FREM2: variants seen among roughly 807,000 people sequenced by gnomAD.
The protein encoded by FREM2 is FRAS1 related extracellular matrix 2.
In FREM2, 119 loss-of-function variants were observed where a neutral mutation model predicts 219.9. The ratio of observed to expected loss-of-function variants is 0.54; its 90% CI spans 0.47 to 0.63. FREM2 has a LOEUF of 0.63. Among genes scored for constraint, FREM2 ranks in the 30% least tolerant of loss-of-function variants. FREM2 has a pLI of 0.00. For missense variants in FREM2, 4,030 were observed against 3,993.6 expected, an observed-to-expected ratio of 1.01 and a Z score of -0.25; for synonymous variants, 1,562 against 1,522.8, an observed-to-expected ratio of 1.03 and a Z score of -0.60.
chr13:38,771,016 A>G (rs1162351736), intron 4 of FREM2, among the ~76,000 whole-genome samples: 1 of 152,122 alleles, frequency 6.6e-6, no homozygotes, highest in African/African-American at 2.4e-5. Flanking sequence ...CAGTCAGAAA[A>G]CTCTTAAATG....
intron 8 of FREM2, 125 bp downstream of exon 8, chr13:38,848,795 A>G: frequency 3.4e-6 from 3 of 873,430 alleles, no homozygotes; most frequent in Non-Finnish European, 5.3e-6. Flanking sequence ...ATAACAAAGT[A>G]GCACTGTCGG....
In FREM2 at chr13:38,859,313, C is replaced by T. The variant is rs761762671; in HGVS notation, c.7242C>T (p.Tyr2414=). ...ITACNPKYSD[Y]DKTGSICASE... is the part of the protein sequence containing the mutation. ...CTTGCAACCCCAAATATTCAGACTA[C>T]GATAAAACAGGCTCTATCTGTGCAA... The change falls in exon 14 of 24, where the codon TAC becomes TAT. Residue 2414 remains tyrosine, a synonymous_variant. Coordinates refer to ENST00000280481, the MANE Select transcript of FREM2 (RefSeq NM_207361.6). The T allele has an allele frequency of 9.3e-6, 15 of 1,614,032 alleles. No homozygotes were observed. The highest frequency in any genetic ancestry group is 1.1e-5 in the South Asian group (1 of 91,080).
At chr13:38,879,774 CT>C (rs764063403) in intron 23 of FREM2, among the ~76,000 whole-genome samples, 1 of 152,174 alleles carries the variant, frequency 6.6e-6, no homozygotes, top group Non-Finnish European at 1.5e-5. Context: ...ATCTTGCATG[CT>C]TCAAAGACTC....
chr13:38,731,864 G>A (rs1171235946), intron 2 of FREM2, among the ~76,000 whole-genome samples: 3 of 152,192 alleles, frequency 2.0e-5, no homozygotes, highest in Non-Finnish European at 4.4e-5. Flanking sequence ...TATCATCAGT[G>A]TACAACAGAA....
intron 6 of FREM2, among the ~76,000 whole-genome samples, chr13:38,837,765 G>GTTTT (rs151057502): frequency 1.4e-5 from 2 of 140,528 alleles, no homozygotes. Flanking sequence ...GCAACCCCTG[G>GTTTT]TTTTTTTTTG....
At chr13:38,848,098 T>C (rs1459596025) in intron 7 of FREM2, among the ~76,000 whole-genome samples, 1 of 152,254 alleles carries the variant, frequency 6.6e-6, no homozygotes, top group Non-Finnish European at 1.5e-5. Context: ...CTATTTCATA[T>C]GTAATTTATA....
intron 6 of FREM2, among the ~76,000 whole-genome samples, chr13:38,842,372 G>T (rs1876994108): frequency 6.6e-6 from 1 of 152,118 alleles, no homozygotes; most frequent in Non-Finnish European, 1.5e-5. Flanking sequence ...AGGTGTTATT[G>T]CCTACAGCTG....
rs772325914 is a variant in FREM2, at chr13:38,876,322, G to A, written c.8484G>A (p.Leu2828=). ...CCCCATCACATCAGGAATACCGCCT[G>A]CCAGTCACCTGCAACCCCAGAGAAC... ...CTAPSHQEYR[L]PVTCNPREPV... Residue 2828 remains leucine, a synonymous_variant, in exon 20 of 24, where the codon CTG becomes CTA. Coordinates refer to ENST00000280481, the MANE Select transcript of FREM2 (RefSeq NM_207361.6). 6 of 1,613,954 alleles carry A rather than the reference G, an allele frequency of 3.7e-6. No individual in the cohort carries two copies. The East Asian group carries it at 6.7e-5, about 18-fold the overall frequency.
intron 6 of FREM2, among the ~76,000 whole-genome samples, chr13:38,798,336 G>A (rs758769650): frequency 4.6e-5 from 7 of 151,912 alleles, no homozygotes; most frequent in Admixed American, 6.6e-5. Flanking sequence ...ACTTGATCAC[G>A]GTGTATTATC....
At chr13:38,759,690 C>T (rs1469957376) in intron 2 of FREM2, among the ~76,000 whole-genome samples, 1 of 152,118 alleles carries the variant, frequency 6.6e-6, no homozygotes, top group Non-Finnish European at 1.5e-5. Context: ...TCCTCATGCA[C>T]CATAGATGAC....
At chr13:38,695,499 G>A (rs534261501) in intron 1 of FREM2, among the ~76,000 whole-genome samples, 3 of 152,216 alleles carry the variant, frequency 2.0e-5, no homozygotes, top group South Asian at 2.1e-4. Context: ...ATCCCTTAAC[G>A]ATTACAATTT....
chr13:38,773,784 T>C (rs1484275428), intron 4 of FREM2, among the ~76,000 whole-genome samples: 1 of 152,110 alleles, frequency 6.6e-6, no homozygotes, highest in Non-Finnish European at 1.5e-5. Flanking sequence ...TTAAAGTTCA[T>C]GAAACATTTA....
rs756378813 is a variant in FREM2, at chr13:38,692,178, A to C, written c.4834A>C (p.Ser1612Arg). 2 of 1,614,052 alleles carry C rather than the reference A, an allele frequency of 1.2e-6. No homozygotes were observed. Among genetic ancestry groups the C allele is most frequent in the Non-Finnish European group, 1.7e-6 (2 of 1,179,996 alleles). ...CTACAAACATGATGGCACTGAGTCA[A>C]GTGAAGATAGCTTCTCCTTCACAGT... ...ISYKHDGTESSEDSFSFTVTD... is the reference protein window; with the variant it reads ...ISYKHDGTESREDSFSFTVTD... The change falls in exon 1 of 24, where the codon AGT becomes CGT. Residue 1612 changes from serine (S) to arginine (R), a missense_variant. Transcript: ENST00000280481.
rs747977738 is a variant in FREM2 at position 38,690,549 on chromosome 13, A to G, written c.3205A>G (p.Ile1069Val). ...ILPVDSQAPE[I>V]FVGEQLIVME... is the part of the protein sequence containing the mutation. Reference sequence around the variant, plus strand: ...GCCTGTTGATAGCCAGGCCCCAGAAATCTTTGTAGGTGAACAGTTGATAGT... The same window carrying G: ...GCCTGTTGATAGCCAGGCCCCAGAAGTCTTTGTAGGTGAACAGTTGATAGT... Residue 1069 changes from isoleucine (I) to valine (V), a missense_variant, in exon 1 of 24, where the codon ATC becomes GTC. Around this residue, in one of 2 missense-constraint regions of FREM2, gnomAD observed 3,102 missense variants for 2,950.7 expected, o/e 1.05. Transcript: ENST00000280481. 1.2e-6 allele frequency: 2 copies of G among 1,614,208 alleles called. No homozygotes were observed. The highest frequency in any genetic ancestry group is 1.1e-5 in the South Asian group (1 of 91,090).
At chr13:38,710,136 A>T (rs2138093869) in intron 2 of FREM2, among the ~76,000 whole-genome samples, 1 of 152,076 alleles carries the variant, frequency 6.6e-6, no homozygotes, top group East Asian at 1.9e-4. Flanking sequence ...GTGAGCCGAG[A>T]TTGCGCGACT....
chr13:38,873,527 C>CT lies in FREM2; in HGVS notation c.8176+593_8176+594insT, dbSNP rs1878239402. On this transcript the variant is annotated intron_variant, in intron 17 of 23. Transcript: ENST00000280481. Reference sequence around the variant, plus strand: ...TACTTTAGTTGAATGTCTGCGAACTCGGATTGTGAATGCCACTAGTTCGAG... The same window carrying CT: ...TACTTTAGTTGAATGTCTGCGAACTCTGGATTGTGAATGCCACTAGTTCGAG... Among the ~76,000 whole-genome samples, 33 of 152,300 alleles carry CT rather than the reference C, an allele frequency of 2.2e-4. 1 individual carries two copies. Among genetic ancestry groups the CT allele is most frequent in the Admixed American group, 1.9e-3 (29 of 15,302 alleles).
At chr13:38,807,588 A>G (rs1875299228) in intron 6 of FREM2, among the ~76,000 whole-genome samples, 2 of 151,890 alleles carry the variant, frequency 1.3e-5, no homozygotes, top group Non-Finnish European at 2.9e-5. Flanking sequence ...TAGCATATTT[A>G]AAAACAACAT....
At chr13:38,711,250 C>T (rs1256209259) in intron 2 of FREM2, among the ~76,000 whole-genome samples, 1 of 152,118 alleles carries the variant, frequency 6.6e-6, no homozygotes, top group Non-Finnish European at 1.5e-5. Flanking sequence ...CGCCTCCAGC[C>T]AGTATGTATG....
intron 2 of FREM2, among the ~76,000 whole-genome samples, chr13:38,723,190 G>A (rs967985311): frequency 1.3e-5 from 2 of 151,854 alleles, no homozygotes; most frequent in African/African-American, 4.8e-5. Context: ...AGCCGAGATT[G>A]GGCCACTGCA....
Sources: gnomAD v4.1 joint callset for allele counts (sites outside exome capture counted in the v4.1 genomes callset) on GRCh38, gnomAD v4.1.1 for gene constraint, gnomAD v4.1.1 regional missense constraint, MANE v1.5 for transcripts, NCBI Gene and HGNC (gene_info 2026-07-23, HGNC 2026-07-21) for gene names.